The following NEK1 variants were observed in gnomAD, a reference collection of about 807,000 sequenced individuals.
NEK1 encodes the protein serine/threonine-protein kinase Nek1.
In NEK1, 137 loss-of-function variants were observed where a neutral mutation model predicts 182.1. The ratio of observed to expected loss-of-function variants is 0.75; its 90% CI spans 0.65 to 0.87. The LOEUF is 0.87. NEK1 is among the 40% of genes least tolerant of loss of function. NEK1 has a pLI of 0.00. For synonymous variants in NEK1, 513 were observed against 492.2 expected, an observed-to-expected ratio of 1.04 and a Z score of -0.56; for missense variants, 1,391 against 1,494.4, an observed-to-expected ratio of 0.93 and a Z score of 1.14.
At chr4:169,421,255 G>A (rs1735446742) in intron 31 of NEK1, among the ~76,000 whole-genome samples, 1 of 152,084 alleles carries the variant, frequency 6.6e-6, no homozygotes, top group Admixed American at 6.6e-5. Flanking sequence ...ACTGAACAAC[G>A]TGATCAAACA....
chr4:169,592,066 A>G (rs1358024712), intron 5 of NEK1, among the ~76,000 whole-genome samples: 1 of 152,164 alleles, frequency 6.6e-6, no homozygotes, highest in Non-Finnish European at 1.5e-5. Flanking sequence ...ATACTATATT[A>G]TCTTGCTTAA....
At chr4:169,434,623 T>C (rs765465285) in intron 28 of NEK1, among the ~76,000 whole-genome samples, 1 of 152,200 alleles carries the variant, frequency 6.6e-6, no homozygotes, top group Non-Finnish European at 1.5e-5. Context: ...ATTTGTTAAC[T>C]TCTCTTTTTC....
chr4:169,459,734 CA>C (rs1743599777), intron 27 of NEK1, among the ~76,000 whole-genome samples: 1 of 152,116 alleles, frequency 6.6e-6, no homozygotes, highest in Non-Finnish European at 1.5e-5. Context: ...AAAAAGATTA[CA>C]GAGGAACCTT....
At chr4:169,597,299 G>A (rs143148168) in intron 5 of NEK1, among the ~76,000 whole-genome samples, 1 of 152,062 alleles carries the variant, frequency 6.6e-6, no homozygotes, top group African/African-American at 2.4e-5. Context: ...GATAAGTAGA[G>A]CAAGAACTCA....
At chr4:169,427,287 C>T (rs921207343) in intron 29 of NEK1, among the ~76,000 whole-genome samples, 6 of 151,796 alleles carry the variant, frequency 4.0e-5, no homozygotes, top group South Asian at 2.1e-4. Context: ...CCACCATGCC[C>T]GGCTAATTTT....
chr4:169,471,126 T>C (rs1183180525), intron 26 of NEK1, among the ~76,000 whole-genome samples: 1 of 152,204 alleles, frequency 6.6e-6, no homozygotes, highest in Admixed American at 6.5e-5. Context: ...CTTCTGTCAA[T>C]TCATCAAACT....
At chr4:169,455,283 A>C (rs1367298879) in intron 27 of NEK1, among the ~76,000 whole-genome samples, 1 of 152,176 alleles carries the variant, frequency 6.6e-6, no homozygotes, top group Non-Finnish European at 1.5e-5. Flanking sequence ...CTATGTATCA[A>C]ACCTGCACGT....
chr4:169,596,739 T>C (rs189356723), intron 5 of NEK1, among the ~76,000 whole-genome samples: 1 of 152,312 alleles, frequency 6.6e-6, no homozygotes, highest in Non-Finnish European at 1.5e-5. Flanking sequence ...TTAATGGAGC[T>C]CTAAGTTTTC....
chr4:169,400,181 C>T, intron 35 of NEK1, 44 bp downstream of exon 35: 3 of 1,541,584 alleles, frequency 1.9e-6, no homozygotes, highest in Non-Finnish European at 2.6e-6. Context: ...TCTTGTTTTT[C>T]TCACATTTAC....
At chr4:169,426,872 A>G (rs1449733094) in intron 29 of NEK1, among the ~76,000 whole-genome samples, 2 of 152,196 alleles carry the variant, frequency 1.3e-5, no homozygotes, top group South Asian at 2.1e-4. Flanking sequence ...GAAAAATAGA[A>G]TAAGATTCAC....
chr4:169,505,782 G>GA (rs1370973481), intron 23 of NEK1, among the ~76,000 whole-genome samples: 1 of 152,078 alleles, frequency 6.6e-6, no homozygotes, highest in African/African-American at 2.4e-5. Flanking sequence ...GGCAGAACAG[G>GA]AAAACTCACT....
At chr4:169,446,986 G>C (rs971748667) in intron 27 of NEK1, among the ~76,000 whole-genome samples, 2 of 144,870 alleles carry the variant, frequency 1.4e-5, no homozygotes, top group Non-Finnish European at 3.0e-5. Context: ...GTGATTCGTT[G>C]TAACGAGGAA....
At chr4:169,459,491 C>CAAAACTGGTGGTT (rs1396412513) in intron 27 of NEK1, among the ~76,000 whole-genome samples, 1 of 152,196 alleles carries the variant, frequency 6.6e-6, no homozygotes, top group Non-Finnish European at 1.5e-5. Flanking sequence ...ACTAAACATA[C>CAAAACTGGTGGTT]TCTTACTAGA....
intron 29 of NEK1, among the ~76,000 whole-genome samples, chr4:169,431,808 GA>G (rs34964056): frequency 6.6e-6 from 1 of 150,714 alleles, no homozygotes; most frequent in South Asian, 2.1e-4. Flanking sequence ...TAGAAAAACT[GA>G]AAAAAAATTT....
chr4:169,453,109 T>C (rs28811607), intron 27 of NEK1, among the ~76,000 whole-genome samples: 32,413 of 152,068 alleles, frequency 0.21, 3,922 homozygotes, highest in African/African-American at 0.34. Flanking sequence ...TTACAAGGGA[T>C]GTGAAGGACA....
At chr4:169,400,106 T>C (rs750965848) in intron 35 of NEK1, 119 bp downstream of exon 35, 17 of 973,356 alleles carry the variant, frequency 1.7e-5, no homozygotes, top group East Asian at 1.6e-4. Context: ...GCTTAAAAGT[T>C]ATATAGTTCC....
At chr4:169,524,558 A>G (rs1265064130) in intron 19 of NEK1, among the ~76,000 whole-genome samples, 1 of 152,114 alleles carries the variant, frequency 6.6e-6, no homozygotes, top group East Asian at 1.9e-4. Context: ...AGAACAAGGT[A>G]CTGATTAATC....
chr4:169,424,807 T>C lies in NEK1; in HGVS notation c.2975-7A>G. The C allele has an allele frequency of 6.3e-7, 1 of 1,598,104 alleles. No individual in the cohort carries two copies. Among genetic ancestry groups the C allele is most frequent in the Non-Finnish European group, 8.6e-7 (1 of 1,167,450 alleles). ...GAATCATTGGTTCCAGGCTCTGTGGTAGAAAGGAGAGATTATGTGGTAAGT... is the reference window on the plus strand; with the variant it reads ...GAATCATTGGTTCCAGGCTCTGTGGCAGAAAGGAGAGATTATGTGGTAAGT... On this transcript the variant is annotated splice_polypyrimidine_tract_variant and splice_region_variant and intron_variant, in intron 30 of 35. Coordinates refer to ENST00000507142, the MANE Select transcript of NEK1 (RefSeq NM_001199397.3).
intron 18 of NEK1, among the ~76,000 whole-genome samples, chr4:169,546,687 A>G (rs2149859047): frequency 6.6e-6 from 1 of 152,312 alleles, no homozygotes; most frequent in South Asian, 2.1e-4. Context: ...TATTTAGGAT[A>G]GTTAGCTCTT....
Sources: gnomAD v4.1 joint callset for allele counts (sites outside exome capture counted in the v4.1 genomes callset) on GRCh38, gnomAD v4.1.1 for gene constraint, MANE v1.5 for transcripts, NCBI Gene and HGNC (gene_info 2026-07-23, HGNC 2026-07-21) for gene names.